The following XPO7 variants were observed in gnomAD, a reference collection of about 807,000 sequenced individuals.
XPO7 encodes the protein exportin-7.
A neutral mutation model predicts 144.3 loss-of-function variants in XPO7; 21 were observed. The observed-to-expected ratio is 0.15, with a 90% confidence interval of 0.10 to 0.21. XPO7 has a LOEUF of 0.21. Ranked by LOEUF, XPO7 falls within the 10% of genes least tolerant of loss-of-function variation. The pLI, the probability that XPO7 is intolerant of heterozygous loss-of-function variation, is 1.00. For synonymous variants in XPO7, 580 were observed against 499.6 expected (o/e 1.16, Z -2.15); for missense variants, 808 against 1,325.8 (o/e 0.61, Z 6.06).
intron 16 of XPO7, among the ~76,000 whole-genome samples, chr8:21,990,043 G>A (rs538995514): frequency 3.3e-5 from 5 of 151,186 alleles, no homozygotes; most frequent in Admixed American, 2.0e-4. Flanking sequence ...TAGAGGTAGG[G>A]TTTCACCGTG....
At chr8:21,989,371 G>A (rs1340507683) in intron 16 of XPO7, among the ~76,000 whole-genome samples, 2 of 152,188 alleles carry the variant, frequency 1.3e-5, no homozygotes, top group Non-Finnish European at 2.9e-5. Flanking sequence ...TACATACTCT[G>A]TGTGACCAAG....
Position 21,954,200 on chromosome 8 carries a change from T to A in XPO7, c.19-12657T>A, listed in dbSNP as rs151032583. Among the ~76,000 whole-genome samples the A allele has an allele frequency of 7.9e-5, 12 of 152,350 alleles. No individual in the cohort carries two copies. The East Asian group carries it at 2.3e-3, about 29-fold the overall frequency. On this transcript the variant is annotated intron_variant, in intron 1 of 27. Coordinates refer to ENST00000252512, the MANE Select transcript of XPO7 (RefSeq NM_015024.5). ...TAGGTGGCCTCAGAGAATTGGTGAT[T>A]GTGTGTTTTTGATCGCTTCCTTTGC...
At chr8:21,938,778 TA>T (rs930417198) in intron 1 of XPO7, among the ~76,000 whole-genome samples, 38 of 148,678 alleles carry the variant, frequency 2.6e-4, no homozygotes, top group African/African-American at 6.9e-4. Flanking sequence ...AATACATCAT[TA>T]AAAAAAAAAT....
chr8:21,933,154 A>AC (rs1810710222), intron 1 of XPO7, among the ~76,000 whole-genome samples: 1 of 138,242 alleles, frequency 7.2e-6, no homozygotes, highest in African/African-American at 2.8e-5. Flanking sequence ...AGGCTGGAGT[A>AC]CAGTGGCGCG....
intron 8 of XPO7, 66 bp from the exon 9 acceptor site, chr8:21,980,018 C>G: frequency 7.0e-7 from 1 of 1,435,162 alleles, no homozygotes; most frequent in Non-Finnish European, 9.2e-7. Context: ...GGAGGTGGAA[C>G]GTTTCTGGTG....
In XPO7 at chr8:21,999,518, C is replaced by T. The variant is rs755761378; in HGVS notation, c.2644-18C>T. 2.5e-6 allele frequency: 4 copies of T among 1,613,642 alleles called. No homozygotes were observed. The South Asian group carries it at 3.3e-5, about 13-fold the overall frequency. On this transcript the variant is annotated intron_variant, in intron 23 of 27. Transcript: ENST00000252512. ...GCATAGTGCCTAAGCTGATTTTCTT[C>T]CTCTTCCTCTCCCACAGGATTACCC... is the stretch of plus-strand genomic sequence containing the variant.
intron 1 of XPO7, among the ~76,000 whole-genome samples, chr8:21,930,333 T>C (rs945355658): frequency 2.6e-5 from 4 of 152,150 alleles, no homozygotes. Flanking sequence ...AATGGGAATA[T>C]AAATGTGAAT....
intron 1 of XPO7, among the ~76,000 whole-genome samples, chr8:21,936,127 C>T (rs1810814559): frequency 6.6e-6 from 1 of 152,166 alleles, no homozygotes; most frequent in Non-Finnish European, 1.5e-5. Context: ...CTTTTAATGT[C>T]TGCTAACCCT....
chr8:22,003,755 C>G, intron 26 of XPO7, 148 bp from the exon 27 acceptor site: 1 of 1,171,356 alleles, frequency 8.5e-7, no homozygotes, highest in Non-Finnish European at 1.2e-6. Flanking sequence ...CCCACAAGTG[C>G]TTGCCTGAAT....
At chr8:21,966,339 C>G in intron 1 of XPO7, 1 of 779,820 alleles carries the variant, frequency 1.3e-6, no homozygotes, top group Non-Finnish European at 2.4e-6. Context: ...TTGAAGCTTT[C>G]TCTAGAGGTT....
Position 21,970,380 on chromosome 8 carries a change from A to C in XPO7, c.426+70A>C, listed in dbSNP as rs1812017208. 26 of 1,372,696 alleles carry C rather than the reference A, an allele frequency of 1.9e-5. No homozygotes were observed. In the South Asian group the frequency reaches 3.5e-4, roughly 18 times the overall value. 85.0% of individuals were successfully genotyped at this position (1,372,696 alleles called of 1,614,324 possible). ...TATACATATATATAAACACACACACACACACACACACAACTTAACACGCTT... is the reference window on the plus strand; with the variant it reads ...TATACATATATATAAACACACACACCCACACACACACAACTTAACACGCTT... On this transcript the variant is annotated intron_variant, in intron 4 of 27. Transcript: ENST00000252512.
intron 17 of XPO7, 85 bp from the exon 18 acceptor site, chr8:21,990,726 G>T (rs1812743824): frequency 7.4e-7 from 1 of 1,360,524 alleles, no homozygotes; most frequent in Non-Finnish European, 1.0e-6. Context: ...TGGCTTGAAA[G>T]GGCTCAGTAA....
chr8:21,929,818 G>A (rs952380323), intron 1 of XPO7, among the ~76,000 whole-genome samples: 1 of 152,030 alleles, frequency 6.6e-6, no homozygotes, highest in Admixed American at 6.6e-5. Flanking sequence ...ATAAGGGGCA[G>A]GCATAACTGA....
At position 21,998,996 on chromosome 8, in the gene XPO7, G is replaced by C. The variant is rs989387252; in HGVS notation, c.2429-95G>C. On this transcript the variant is annotated intron_variant, in intron 22 of 27. Transcript: ENST00000252512. Reference sequence around the variant, plus strand: ...ATTAGAGTGCCACCTGTCACCAGGGGCCTACTGGAATTTGTATGCCTTTGG... The same window carrying C: ...ATTAGAGTGCCACCTGTCACCAGGGCCCTACTGGAATTTGTATGCCTTTGG... The C allele has an allele frequency of 2.7e-5, 41 of 1,501,480 alleles. No individual in the cohort carries two copies. The Admixed American group carries it at 6.9e-4, about 25-fold the overall frequency. 93.0% of individuals were successfully genotyped at this position (1,501,480 alleles called of 1,614,324 possible). A position where few individuals can be genotyped will look rare whatever the true frequency, so the allele number is the denominator to read the frequency against.
rs553888796 is a variant in XPO7 at position 21,979,410 on chromosome 8, G to A, written c.838-674G>A. 9.3e-5 allele frequency among the ~76,000 whole-genome samples: 12 copies of A among 129,032 alleles called. No homozygotes were observed. In the South Asian group the frequency reaches 1.3e-3, roughly 14 times the overall value. 84.7% of individuals were successfully genotyped at this position (129,032 alleles called of 152,430 possible). ...TCTTTTTTTTTTCTTTTTTTTTTTC[G>A]TTTTTTTTTGTTTTTGAGACGGAGT... is the stretch of plus-strand genomic sequence containing the variant. On this transcript the variant is annotated intron_variant, in intron 8 of 27. Coordinates refer to ENST00000252512, the MANE Select transcript of XPO7 (RefSeq NM_015024.5).
chr8:21,922,240 C>G (rs775194342), intron 1 of XPO7, among the ~76,000 whole-genome samples: 8 of 152,110 alleles, frequency 5.3e-5, no homozygotes, highest in Non-Finnish European at 1.2e-4. Flanking sequence ...CGGGTTCTCT[C>G]AGGCTGATGT....
intron 5 of XPO7, 141 bp downstream of exon 5, chr8:21,972,082 G>A: frequency 1.5e-6 from 1 of 670,232 alleles, no homozygotes; most frequent in Non-Finnish European, 2.6e-6. Context: ...AAACAAAATA[G>A]TTCCATTGGG....
At chr8:21,957,098 G>C (rs1007484152) in intron 1 of XPO7, among the ~76,000 whole-genome samples, 1 of 151,954 alleles carries the variant, frequency 6.6e-6, no homozygotes, top group African/African-American at 2.4e-5. Flanking sequence ...TGTAGCTAAT[G>C]AGATTCTCGG....
chr8:21,954,594 A>G (rs1224043226), intron 1 of XPO7, among the ~76,000 whole-genome samples: 1 of 152,192 alleles, frequency 6.6e-6, no homozygotes, highest in East Asian at 1.9e-4. Context: ...AGATCTTGCC[A>G]CTGCACTCCA....
Sources: allele counts gnomAD v4.1 joint callset (sites outside exome capture counted in the v4.1 genomes callset), GRCh38; gene constraint gnomAD v4.1.1; transcripts MANE v1.5; gene names NCBI Gene and HGNC (gene_info 2026-07-23, HGNC 2026-07-21).